The following GOLM1 variants were observed in gnomAD, a reference collection of about 807,000 sequenced individuals.
GOLM1 encodes epididymis luminal protein 46.
A neutral mutation model predicts 50.5 loss-of-function variants in GOLM1; 31 were observed. The ratio of observed to expected loss-of-function variants is 0.61; its 90% CI spans 0.46 to 0.83. The LOEUF (loss-of-function observed/expected upper bound fraction) is 0.83. Ranked by LOEUF, GOLM1 falls within the 40% of genes least tolerant of loss-of-function variation. The pLI, the probability that GOLM1 is intolerant of heterozygous loss-of-function variation, is 0.00. For missense variants in GOLM1, 491 were observed against 501.3 expected, an observed-to-expected ratio of 0.98 and a Z score of 0.20; for synonymous variants, 178 against 192.8, an observed-to-expected ratio of 0.92 and a Z score of 0.64.
chr9:86,095,337 G>C (rs927950107), intron 1 of GOLM1, among the ~76,000 whole-genome samples: 6 of 151,642 alleles, frequency 4.0e-5, no homozygotes, highest in Admixed American at 3.3e-4. Context: ...CAAGTGATTC[G>C]AATGTCTCAG....
chr9:86,069,050 C>G (rs1023449392), intron 3 of GOLM1, among the ~76,000 whole-genome samples: 1 of 151,898 alleles, frequency 6.6e-6, no homozygotes, highest in Non-Finnish European at 1.5e-5. Flanking sequence ...CACTTATATT[C>G]TACAATTTTC....
intron 3 of GOLM1, among the ~76,000 whole-genome samples, chr9:86,062,516 G>C (rs2118790935): frequency 6.6e-6 from 1 of 151,358 alleles, no homozygotes; most frequent in South Asian, 2.1e-4. Context: ...AGGGAGAATG[G>C]AGGGAGAGGA....
chr9:86,073,594 T>C (rs1338903941), intron 3 of GOLM1, among the ~76,000 whole-genome samples: 1 of 152,012 alleles, frequency 6.6e-6, no homozygotes, highest in Non-Finnish European at 1.5e-5. Context: ...CCCACACTGC[T>C]CCCGAACCTT....
chr9:86,086,251 T>C (rs2118880330), intron 1 of GOLM1, among the ~76,000 whole-genome samples: 1 of 152,394 alleles, frequency 6.6e-6, no homozygotes, highest in South Asian at 2.1e-4. Flanking sequence ...CATATGTTTG[T>C]TGGCTGCATA....
intron 3 of GOLM1, among the ~76,000 whole-genome samples, chr9:86,053,533 AC>A (rs1235628297): frequency 2.5e-5 from 3 of 120,178 alleles, no homozygotes; most frequent in Admixed American, 8.2e-5. Flanking sequence ...ACCACTCCAC[AC>A]CAAACCACAC....
At position 86,029,724 on chromosome 9, in the gene GOLM1, T is replaced by C. The variant is rs182003087; in HGVS notation, c.1130-1831A>G. ...TCAATGACACAATCTTAAAATAATGTTGAAGCTGATGTTGACATTTCTTCA... is the reference window on the plus strand; with the variant it reads ...TCAATGACACAATCTTAAAATAATGCTGAAGCTGATGTTGACATTTCTTCA... On this transcript the variant is annotated intron_variant, in intron 9 of 9. Coordinates refer to ENST00000388712, the MANE Select transcript of GOLM1 (RefSeq NM_016548.4). Among the ~76,000 whole-genome samples, 247 of 152,358 alleles carry C rather than the reference T, an allele frequency of 1.6e-3. 1 individual carries two copies. Among genetic ancestry groups the C allele is most frequent in the African/African-American group, 3.8e-3 (157 of 41,586 alleles).
At chr9:86,078,159 C>G (rs1237056587) in intron 2 of GOLM1, 3 of 152,544 alleles carry the variant, frequency 2.0e-5, no homozygotes, top group Admixed American at 6.5e-5. Flanking sequence ...ACCTCAACCT[C>G]TTGGTGCCTC....
intron 3 of GOLM1, among the ~76,000 whole-genome samples, chr9:86,074,882 C>T: frequency 6.6e-6 from 1 of 151,982 alleles, no homozygotes; most frequent in Non-Finnish European, 1.5e-5. Context: ...TTAAAGCTAG[C>T]ACAATTTGGT....
At chr9:86,055,572 T>C (rs1203136121) in intron 3 of GOLM1, among the ~76,000 whole-genome samples, 2 of 152,106 alleles carry the variant, frequency 1.3e-5, no homozygotes, top group Admixed American at 6.5e-5. Flanking sequence ...ATAAGCAAAA[T>C]GTGGCATACA....
chr9:86,026,346 T>C lies in GOLM1; in HGVS notation c.*1471A>G. On this transcript the variant is annotated 3_prime_UTR_variant, in exon 10 of 10. Coordinates refer to ENST00000388712, the MANE Select transcript of GOLM1 (RefSeq NM_016548.4). Reference sequence around the variant, plus strand: ...AGTTGCCTTTTCTGGGTGGGAAAGTTTAACCTTAGTGACTAAGGACATCAC... The same window carrying C: ...AGTTGCCTTTTCTGGGTGGGAAAGTCTAACCTTAGTGACTAAGGACATCAC... 1 of 985,184 alleles carries C rather than the reference T, an allele frequency of 1.0e-6. No individual in the cohort carries two copies. The highest frequency in any genetic ancestry group is 1.2e-6 in the Non-Finnish European group (1 of 829,764). 61.0% of individuals were successfully genotyped at this position (985,184 alleles called of 1,614,324 possible).
intron 6 of GOLM1, 40 bp downstream of exon 6, chr9:86,040,699 G>A (rs371909924): frequency 6.3e-6 from 10 of 1,588,748 alleles, no homozygotes; most frequent in East Asian, 2.2e-5. Flanking sequence ...TGAAGATAGG[G>A]GTACCTTCTA....
Position 86,033,355 on chromosome 9 carries a change from G to C in GOLM1, c.1056C>G (p.Asn352Lys). The C allele has an allele frequency of 6.2e-7, 1 of 1,613,090 alleles. No homozygotes were observed. Among genetic ancestry groups the C allele is most frequent in the Non-Finnish European group, 8.5e-7 (1 of 1,179,054 alleles). ...CAGATTCTGCTTCATTTTCATCCAT[G>C]TTGTAGTCATCTTCTCCTCTCAGTT... ...QQKLRGEDDY[N>K]MDENEAESET... The change falls in exon 9 of 10, where the codon AAC (asparagine) becomes AAG (lysine). Residue 352 changes from asparagine (N) to lysine (K), a missense_variant. Physicochemically the swap from Asn to Lys is moderately conservative, Grantham distance 94. Transcript: ENST00000388712.
chr9:86,053,408 C>T (rs563750885), intron 3 of GOLM1, among the ~76,000 whole-genome samples: 3 of 139,858 alleles, frequency 2.1e-5, no homozygotes, highest in African/African-American at 7.9e-5. Context: ...CCACACCACA[C>T]ACTTCACACC....
chr9:86,043,315 C>G (rs1029330239), intron 5 of GOLM1, among the ~76,000 whole-genome samples: 1 of 152,188 alleles, frequency 6.6e-6, no homozygotes, highest in Non-Finnish European at 1.5e-5. Flanking sequence ...TGTGTGCTGA[C>G]TGATTCAAAC....
chr9:86,027,191 T>C lies in GOLM1; in HGVS notation c.*626A>G. On this transcript the variant is annotated 3_prime_UTR_variant, in exon 10 of 10. Coordinates refer to ENST00000388712, the MANE Select transcript of GOLM1 (RefSeq NM_016548.4). The stretch of plus-strand genomic sequence containing the variant: ...TTTGTACATTAAAAATGACAAGGGT[T>C]ATTATACAAGTAGCCTTTTAAAAAA... 6 of 984,556 alleles carry C rather than the reference T, an allele frequency of 6.1e-6. No individual in the cohort carries two copies. Among genetic ancestry groups the C allele is most frequent in the Non-Finnish European group, 4.8e-6 (4 of 829,466 alleles). 61.0% of individuals were successfully genotyped at this position (984,556 alleles called of 1,614,324 possible).
At chr9:86,061,555 G>C (rs1050394441) in intron 3 of GOLM1, among the ~76,000 whole-genome samples, 2 of 152,210 alleles carry the variant, frequency 1.3e-5, no homozygotes, top group Admixed American at 6.5e-5. Context: ...GGATGGGAGA[G>C]ATTTTCTTGA....
rs533741181 is a variant in GOLM1, at chr9:86,027,627, AC to A, written c.*189del. 20 of 1,365,188 alleles carry A rather than the reference AC, an allele frequency of 1.5e-5. No individual in the cohort carries two copies. Among genetic ancestry groups the A allele is most frequent in the Non-Finnish European group, 1.9e-5 (20 of 1,063,844 alleles). The allele number at this position is 1,365,188 out of a possible 1,614,324, so 84.6% of individuals were successfully genotyped here. On this transcript the variant is annotated 3_prime_UTR_variant, in exon 10 of 10. Transcript: ENST00000388712. ...ACACCTTATTAGACACTTCCAAAGT[AC>A]CCCCCAAAAGCTGTTTAAAAGACCA...
intron 3 of GOLM1, among the ~76,000 whole-genome samples, chr9:86,064,232 T>C (rs1045060408): frequency 9.2e-5 from 14 of 152,254 alleles, no homozygotes; most frequent in Non-Finnish European, 1.3e-4. Context: ...AACCTGTATT[T>C]GAAGGTTGAA....
At chr9:86,080,949 A>G (rs545909726) in intron 1 of GOLM1, among the ~76,000 whole-genome samples, 3 of 152,238 alleles carry the variant, frequency 2.0e-5, no homozygotes, top group African/African-American at 7.2e-5. Flanking sequence ...CAGTCACGCA[A>G]TTGTGGCTCA....
Sources: allele counts gnomAD v4.1 joint callset (sites outside exome capture counted in the v4.1 genomes callset), GRCh38; gene constraint gnomAD v4.1.1; transcripts MANE v1.5; gene names NCBI Gene and HGNC (gene_info 2026-07-23, HGNC 2026-07-21).